Variants in GLRA2 observed in about 807,000 individuals in gnomAD.
GLRA2 encodes the protein glycine receptor alpha 2.
A neutral mutation model predicts 31.6 loss-of-function variants in GLRA2; 11 were observed. The observed-to-expected ratio is 0.35, with a 90% CI of 0.22 to 0.58. The LOEUF (loss-of-function observed/expected upper bound fraction) is 0.58. GLRA2 is among the 20% of genes least tolerant of loss of function. The pLI, the probability that GLRA2 is intolerant of heterozygous loss-of-function variation, is 0.84. For synonymous variants in GLRA2, 132 were observed against 134.0 expected (o/e 0.99, Z 0.10); for missense variants, 212 against 351.8 (o/e 0.60, Z 3.18).
At chrX:14,664,597 G>T (rs1174086642) in intron 7 of GLRA2, among the ~76,000 whole-genome samples, 1 of 111,884 alleles carries the variant, frequency 8.9e-6, no homozygotes, top group African/African-American at 3.3e-5. Context: ...GAGGCCAGAT[G>T]ATCTCCTTTT....
chrX:14,633,677 T>C (rs1182874062), intron 7 of GLRA2, among the ~76,000 whole-genome samples: 1 of 111,486 alleles, frequency 9.0e-6, no homozygotes, highest in Non-Finnish European at 1.9e-5. Flanking sequence ...AATTGACTCA[T>C]AGTTCTGCGT....
At chrX:14,667,669 TTGC>T (rs1376829986) in intron 7 of GLRA2, among the ~76,000 whole-genome samples, 8 of 111,505 alleles carry the variant, frequency 7.2e-5, no homozygotes, top group Non-Finnish European at 1.5e-4. Context: ...CCCAGATACC[TTGC>T]TTATTATTTT....
chrX:14,565,980 G>C (rs181024652), intron 2 of GLRA2, among the ~76,000 whole-genome samples: 40 of 111,595 alleles, frequency 3.6e-4, no homozygotes, highest in Admixed American at 5.7e-4. Context: ...GATTAGAGGG[G>C]AGGAAGACAG....
At chrX:14,662,851 C>T (rs572996904) in intron 7 of GLRA2, among the ~76,000 whole-genome samples, 1 of 111,741 alleles carries the variant, frequency 8.9e-6, no homozygotes, top group African/African-American at 3.3e-5. Context: ...TGTTCTTGCA[C>T]ATTTCCTGTT....
intron 4 of GLRA2, among the ~76,000 whole-genome samples, chrX:14,586,013 A>AT (rs1249493847): frequency 8.9e-6 from 1 of 112,062 alleles, no homozygotes; most frequent in African/African-American, 3.2e-5. Context: ...TTGTAGGTGT[A>AT]GGGGTAGAAT....
At chrX:14,576,847 A>G (rs1278365867) in intron 3 of GLRA2, among the ~76,000 whole-genome samples, 2 of 112,684 alleles carry the variant, frequency 1.8e-5, no homozygotes, top group African/African-American at 3.2e-5. Flanking sequence ...ATTCTGCTGT[A>G]TAACACAGAT....
chrX:14,720,004 T>A (rs894658479), intron 8 of GLRA2, among the ~76,000 whole-genome samples: 1 of 110,612 alleles, frequency 9.0e-6, no homozygotes, highest in Non-Finnish European at 1.9e-5. Context: ...CTCATAGAGG[T>A]AGAGGGTAGA....
At chrX:14,678,603 A>G (rs2091168153) in intron 7 of GLRA2, among the ~76,000 whole-genome samples, 1 of 111,546 alleles carries the variant, frequency 9.0e-6, no homozygotes, top group African/African-American at 3.3e-5. Flanking sequence ...AAAGATTTAA[A>G]TGAGATGAAT....
chrX:14,674,744 CTCTT>C (rs1020462351), intron 7 of GLRA2, among the ~76,000 whole-genome samples: 4 of 108,660 alleles, frequency 3.7e-5, no homozygotes, highest in Admixed American at 9.9e-5. Flanking sequence ...TTTTTCTCTT[CTCTT>C]TCTTTCTCCT....
chrX:14,481,505 A>G, the GLRA2 span, among the ~76,000 whole-genome samples: 1 of 111,558 alleles, frequency 9.0e-6, no homozygotes, highest in African/African-American at 3.3e-5. Flanking sequence ...CCAGCTGCCC[A>G]TTCTCTTGAG....
the GLRA2 span, among the ~76,000 whole-genome samples, chrX:14,493,479 A>G: frequency 2.4e-4 from 26 of 106,962 alleles, no homozygotes; most frequent in Non-Finnish European, 4.4e-4. Context: ...ATTTAAAAAT[A>G]AAAACAGTGT....
intron 7 of GLRA2, among the ~76,000 whole-genome samples, chrX:14,651,732 C>G (rs2090892316): frequency 9.0e-6 from 1 of 111,421 alleles, no homozygotes; most frequent in African/African-American, 3.3e-5. Context: ...GAATGTATCC[C>G]CATTGTTAGG....
intron 7 of GLRA2, among the ~76,000 whole-genome samples, chrX:14,643,973 G>A: frequency 9.0e-6 from 1 of 111,726 alleles, no homozygotes. Flanking sequence ...ATGAAAGGAT[G>A]GGTCCTGGGT....
intron 4 of GLRA2, among the ~76,000 whole-genome samples, chrX:14,590,347 G>A (rs1230975432): frequency 9.0e-6 from 1 of 110,867 alleles, no homozygotes; most frequent in East Asian, 2.8e-4. Context: ...GACATCCAAC[G>A]ATGTTCCTCC....
At chrX:14,701,240 G>A (rs1200486203) in intron 8 of GLRA2, among the ~76,000 whole-genome samples, 1 of 111,161 alleles carries the variant, frequency 9.0e-6, no homozygotes. Context: ...TCCATCGGAC[G>A]TAGGGGAAAT....
chrX:14,587,220 C>T (rs1372049150), intron 4 of GLRA2, among the ~76,000 whole-genome samples: 1 of 112,286 alleles, frequency 8.9e-6, no homozygotes, highest in African/African-American at 3.2e-5. Flanking sequence ...AGGCTGGTTC[C>T]ATGTCTGCTA....
At chrX:14,534,439 C>A (rs1043304232) in intron 2 of GLRA2, among the ~76,000 whole-genome samples, 1 of 110,280 alleles carries the variant, frequency 9.1e-6, no homozygotes, top group Non-Finnish European at 1.9e-5. Flanking sequence ...TATCTGACAT[C>A]TCCCAAAGTT....
At chrX:14,456,755 CT>C in the GLRA2 span, among the ~76,000 whole-genome samples, 1 of 112,313 alleles carries the variant, frequency 8.9e-6, no homozygotes, top group African/African-American at 3.2e-5. Context: ...ATCCATTCAT[CT>C]GTTGTTGGGC....
chrX:14,485,922 C>G, the GLRA2 span, among the ~76,000 whole-genome samples: 1 of 111,949 alleles, frequency 8.9e-6, no homozygotes, highest in Non-Finnish European at 1.9e-5. Flanking sequence ...TTGTCTCCTG[C>G]TCTTCTCCCT....
Sources: allele counts gnomAD v4.1 joint callset (sites outside exome capture counted in the v4.1 genomes callset), GRCh38; gene constraint gnomAD v4.1.1; transcripts MANE v1.5; gene names NCBI Gene and HGNC (gene_info 2026-07-23, HGNC 2026-07-21).